Variants in SMAP1 observed in about 807,000 individuals in gnomAD.
SMAP1 encodes small ArfGAP 1, also known as stromal membrane-associated protein 1.
SMAP1 carries 24 observed loss-of-function variants against 58.5 expected under a neutral mutation model. The observed-to-expected ratio is 0.41, with a 90% confidence interval of 0.30 to 0.58. The LOEUF (loss-of-function observed/expected upper bound fraction) is 0.58, where lower values mean the gene tolerates loss of function less well. SMAP1 is among the 20% of genes least tolerant of loss of function. SMAP1 has a pLI of 0.29. For synonymous variants in SMAP1, 216 were observed against 196.6 expected, an observed-to-expected ratio of 1.10 and a Z score of -0.82; for missense variants, 563 against 566.3, an observed-to-expected ratio of 0.99 and a Z score of 0.06.
At chr6:70,855,858 C>G (rs1286016520) in intron 8 of SMAP1, among the ~76,000 whole-genome samples, 1 of 152,170 alleles carries the variant, frequency 6.6e-6, no homozygotes, top group Non-Finnish European at 1.5e-5. Context: ...TATCTAATTT[C>G]TTACATATTT....
At chr6:70,818,310 G>T (rs547798171) in intron 6 of SMAP1, among the ~76,000 whole-genome samples, 40 of 152,002 alleles carry the variant, frequency 2.6e-4, no homozygotes, top group Non-Finnish European at 4.7e-4. Context: ...GGAGGCTGAG[G>T]CAGGAGAATC....
intron 4 of SMAP1, among the ~76,000 whole-genome samples, chr6:70,776,243 C>T (rs889507582): frequency 2.6e-5 from 4 of 151,934 alleles, no homozygotes; most frequent in Non-Finnish European, 4.4e-5. Flanking sequence ...AGTGCAGTGG[C>T]GCAATCTTGG....
intron 3 of SMAP1, among the ~76,000 whole-genome samples, chr6:70,767,906 T>A (rs1181231852): frequency 6.9e-6 from 1 of 145,230 alleles, no homozygotes; most frequent in African/African-American, 2.6e-5. Context: ...ATAGCTGTTA[T>A]TATTTTGAGA....
At chr6:70,776,244 G>T (rs898251267) in intron 4 of SMAP1, among the ~76,000 whole-genome samples, 1 of 151,932 alleles carries the variant, frequency 6.6e-6, no homozygotes, top group Admixed American at 6.6e-5. Context: ...GTGCAGTGGC[G>T]CAATCTTGGC....
At chr6:70,757,321 G>GA (rs1207455274) in intron 3 of SMAP1, among the ~76,000 whole-genome samples, 1 of 150,578 alleles carries the variant, frequency 6.6e-6, no homozygotes, top group Non-Finnish European at 1.5e-5. Flanking sequence ...GCCATATGTA[G>GA]AAAGCTGAAA....
intron 4 of SMAP1, among the ~76,000 whole-genome samples, chr6:70,787,467 A>G (rs1481621816): frequency 6.6e-6 from 1 of 151,584 alleles, no homozygotes; most frequent in Non-Finnish European, 1.5e-5. Context: ...ATTAAACTAA[A>G]GAGCTTCTGC....
chr6:70,829,978 T>C (rs1770292446), intron 6 of SMAP1, among the ~76,000 whole-genome samples: 1 of 152,180 alleles, frequency 6.6e-6, no homozygotes, highest in Admixed American at 6.5e-5. Context: ...TGGGGTAGCG[T>C]TAATGAATCA....
Position 70,861,507 on chromosome 6 carries a change from C to T in SMAP1, c.*1173C>T. 2 of 643,614 alleles carry T rather than the reference C, an allele frequency of 3.1e-6. No individual in the cohort carries two copies. The highest frequency in any genetic ancestry group is 2.9e-5 in the Admixed American group (1 of 34,166). 39.9% of individuals were successfully genotyped at this position (643,614 alleles called of 1,614,324 possible). A position where few individuals can be genotyped will look rare whatever the true frequency, so the allele number is the denominator to read the frequency against. On this transcript the variant is annotated 3_prime_UTR_variant, in exon 11 of 11. Transcript: ENST00000370455. ...CATCCAATTAGCTTATGTTAACTGACAAGCTCCATTTAAACAGATGTCCAT... is the reference window on the plus strand; with the variant it reads ...CATCCAATTAGCTTATGTTAACTGATAAGCTCCATTTAAACAGATGTCCAT...
At chr6:70,763,103 T>C (rs1003425754) in intron 3 of SMAP1, among the ~76,000 whole-genome samples, 11 of 138,398 alleles carry the variant, frequency 7.9e-5, no homozygotes, top group African/African-American at 3.0e-4. Flanking sequence ...TGTACAGATA[T>C]TACTTTTTTT....
intron 1 of SMAP1, among the ~76,000 whole-genome samples, chr6:70,724,141 T>G (rs371548186): frequency 6.8e-5 from 10 of 146,742 alleles, no homozygotes; most frequent in African/African-American, 2.5e-4. Context: ...GTATTTAAGG[T>G]TTTTTTTTTG....
chr6:70,783,815 T>C (rs1286146980), intron 4 of SMAP1, among the ~76,000 whole-genome samples: 23 of 152,068 alleles, frequency 1.5e-4, no homozygotes, highest in Admixed American at 1.4e-3. Context: ...AAAGACGAAA[T>C]CTACGCCTGA....
At chr6:70,694,642 AC>A (rs1332316437) in intron 1 of SMAP1, 1 of 152,570 alleles carries the variant, frequency 6.6e-6, no homozygotes, top group African/African-American at 2.4e-5. Context: ...TACAGTCTTG[AC>A]AGCAATTGCA....
intron 3 of SMAP1, among the ~76,000 whole-genome samples, chr6:70,769,069 G>GT: frequency 6.6e-6 from 1 of 152,306 alleles, no homozygotes; most frequent in Middle Eastern, 3.4e-3. Flanking sequence ...TTTTGAGTGA[G>GT]TTTTTTAATC....
At chr6:70,798,854 A>T (rs1312413746) in intron 6 of SMAP1, 117 bp downstream of exon 6, 2 of 818,438 alleles carry the variant, frequency 2.4e-6, no homozygotes, top group Admixed American at 6.2e-5. Flanking sequence ...TCAACAAGCA[A>T]TTGTTGAGTG....
At chr6:70,775,022 A>T (rs533532365) in intron 4 of SMAP1, among the ~76,000 whole-genome samples, 1 of 152,086 alleles carries the variant, frequency 6.6e-6, no homozygotes, top group Non-Finnish European at 1.5e-5. Context: ...AAAAAAAAAA[A>T]AAATTAAGTT....
rs550951914 is a variant in SMAP1 at position 70,791,810 on chromosome 6, A to G, written c.495+41A>G. ...AACCAGCTACATTATGTAGTGTTAA[A>G]TGGTAAATTAACTTCCTTTTGCAGT... On this transcript the variant is annotated intron_variant, in intron 5 of 10. Transcript: ENST00000370455. 4.5e-5 allele frequency: 69 copies of G among 1,519,970 alleles called. No individual in the cohort carries two copies. In the South Asian group the frequency reaches 7.2e-4, roughly 16 times the overall value. 94.2% of individuals were successfully genotyped at this position (1,519,970 alleles called of 1,614,324 possible).
At chr6:70,742,643 C>T (rs1765864161) in intron 2 of SMAP1, among the ~76,000 whole-genome samples, 1 of 152,196 alleles carries the variant, frequency 6.6e-6, no homozygotes, top group Non-Finnish European at 1.5e-5. Context: ...AAGTCACTTC[C>T]ACATTTTTGG....
rs16880775 is a variant in SMAP1, at chr6:70,852,421, G to A, written c.665-119G>A. On this transcript the variant is annotated intron_variant, in intron 7 of 10. Coordinates refer to ENST00000370455, the MANE Select transcript of SMAP1 (RefSeq NM_001044305.3). ...GGGGGTAGGTAGAAGGAGAACAAATGTTTTACCAACTTTTGAACTGTTCTT... is the reference window on the plus strand; with the variant it reads ...GGGGGTAGGTAGAAGGAGAACAAATATTTTACCAACTTTTGAACTGTTCTT... 4,454 of 1,074,434 alleles carry A rather than the reference G, an allele frequency of 4.1e-3. 184 individuals are homozygous for A. The East Asian group carries it at 0.096, about 23-fold the overall frequency. The allele number at this position is 1,074,434 out of a possible 1,614,324, so 66.6% of individuals were successfully genotyped here. A position where few individuals can be genotyped will look rare whatever the true frequency, so the allele number is the denominator to read the frequency against.
At chr6:70,682,992 C>T (rs890477734) in intron 1 of SMAP1, among the ~76,000 whole-genome samples, 9 of 151,858 alleles carry the variant, frequency 5.9e-5, no homozygotes, top group Non-Finnish European at 1.2e-4. Flanking sequence ...GAAAGGAGAT[C>T]GTGCCACTGC....
Sources: allele counts gnomAD v4.1 joint callset (sites outside exome capture counted in the v4.1 genomes callset), GRCh38; gene constraint gnomAD v4.1.1; transcripts MANE v1.5; gene names NCBI Gene and HGNC (gene_info 2026-07-23, HGNC 2026-07-21).